CBLB: variants seen among roughly 807,000 people sequenced by gnomAD.
CBLB encodes the protein E3 ubiquitin-protein ligase CBL-B.
A neutral mutation model predicts 104.9 loss-of-function variants in CBLB; 31 were observed. That is an observed-to-expected ratio of 0.30 (90% CI 0.22 to 0.40). The LOEUF is 0.40. CBLB is among the 10% of genes least tolerant of loss of function. CBLB has a pLI of 1.00. For synonymous variants in CBLB, 440 were observed against 422.6 expected, an observed-to-expected ratio of 1.04 and a Z score of -0.51; for missense variants, 1,062 against 1,214.6, an observed-to-expected ratio of 0.87 and a Z score of 1.87.
chr3:105,679,329 G>C (rs1343673821), intron 16 of CBLB, among the ~76,000 whole-genome samples: 2 of 97,142 alleles, frequency 2.1e-5, no homozygotes, highest in African/African-American at 4.3e-5. Context: ...TCATTACCTT[G>C]AGTCTTTAAA....
rs796383208 is a variant in CBLB, at chr3:105,856,375, GA to G, written c.169-2712del. Among the ~76,000 whole-genome samples, 149 of 142,578 alleles carry G rather than the reference GA, an allele frequency of 1.0e-3. 1 individual carries two copies. Among genetic ancestry groups the G allele is most frequent in the African/African-American group, 2.6e-3 (101 of 38,912 alleles). 93.5% of individuals were successfully genotyped at this position (142,578 alleles called of 152,430 possible). On this transcript the variant is annotated intron_variant, in intron 2 of 18. Coordinates refer to ENST00000394030, the MANE Select transcript of CBLB (RefSeq NM_170662.5). ...AAAAAAAAAAAAAAAAAAAGAAAAG[GA>G]AAAAAAAAAGAAATCACTGGGGATC...
intron 4 of CBLB, among the ~76,000 whole-genome samples, chr3:105,752,449 G>C (rs1284722284): frequency 6.6e-6 from 1 of 152,108 alleles, no homozygotes; most frequent in Non-Finnish European, 1.5e-5. Context: ...TCCTGCTTCA[G>C]AATAATGCCT....
chr3:105,868,697 G>A (rs1206625738), intron 1 of CBLB, 39 bp downstream of exon 1: 14 of 999,108 alleles, frequency 1.4e-5, no homozygotes, highest in Non-Finnish European at 1.7e-5. Context: ...GGGCCGGCAA[G>A]AAGTGTGGAG....
intron 6 of CBLB, among the ~76,000 whole-genome samples, chr3:105,744,872 G>A (rs553007363): frequency 3.5e-4 from 54 of 152,308 alleles, no homozygotes; most frequent in Admixed American, 1.3e-3. Context: ...GAAGGTTGCA[G>A]TGAACAGAGA....
chr3:105,793,634 A>AG (rs1212266137), intron 3 of CBLB, among the ~76,000 whole-genome samples: 2 of 152,180 alleles, frequency 1.3e-5, no homozygotes, highest in African/African-American at 2.4e-5. Flanking sequence ...GGAAAAAAAA[A>AG]GTATCCATTT....
intron 3 of CBLB, among the ~76,000 whole-genome samples, chr3:105,802,347 T>C (rs1377137898): frequency 6.6e-6 from 1 of 152,204 alleles, no homozygotes; most frequent in Non-Finnish European, 1.5e-5. Context: ...ATCGCTCACA[T>C]GCTTATGTAC....
intron 7 of CBLB, among the ~76,000 whole-genome samples, chr3:105,738,407 T>C (rs1175528600): frequency 3.3e-5 from 5 of 152,088 alleles, no homozygotes; most frequent in Non-Finnish European, 7.4e-5. Flanking sequence ...CTGAGTATGA[T>C]ACAAATTTAG....
At chr3:105,690,156 C>T (rs1025502903) in intron 13 of CBLB, among the ~76,000 whole-genome samples, 1 of 152,154 alleles carries the variant, frequency 6.6e-6, no homozygotes, top group Non-Finnish European at 1.5e-5. Flanking sequence ...TTAGCTTTGA[C>T]ATTCTTGGAT....
chr3:105,729,447 C>A (rs914256210), intron 9 of CBLB, among the ~76,000 whole-genome samples: 2 of 151,950 alleles, frequency 1.3e-5, no homozygotes, highest in African/African-American at 4.8e-5. Flanking sequence ...GAGGAAGAAG[C>A]AAAATAACAA....
At chr3:105,829,563 T>C (rs2087113044) in intron 3 of CBLB, among the ~76,000 whole-genome samples, 1 of 149,738 alleles carries the variant, frequency 6.7e-6, no homozygotes, top group African/African-American at 2.5e-5. Context: ...GGAGCCTACT[T>C]GGAGACTGAG....
intron 10 of CBLB, among the ~76,000 whole-genome samples, chr3:105,710,446 T>C (rs926412016): frequency 1.3e-5 from 2 of 151,918 alleles, no homozygotes; most frequent in African/African-American, 2.4e-5. Context: ...ACTGCAAAAG[T>C]TGGGAAAGAC....
Position 105,702,222 on chromosome 3 carries a change from C to A in CBLB, c.1831G>T (p.Gly611Trp), listed in dbSNP as rs369987245. The A allele has an allele frequency of 6.2e-7, 1 of 1,614,090 alleles. No individual in the cohort carries two copies. Among genetic ancestry groups the A allele is most frequent in the Non-Finnish European group, 8.5e-7 (1 of 1,179,998 alleles). ...TNQLVGCRLL[G>W]EGSPKPGITA... ...ATTCCAGGTTTTGGAGAGCCCTCCC[C>A]TAGGAGTCGACATCCCACAAGCTGA... The change falls in exon 12 of 19, where the codon GGG (glycine) becomes TGG (tryptophan). Residue 611 changes from glycine (G) to tryptophan (W), a missense_variant. Physicochemically the swap from Gly to Trp is radical, Grantham distance 184 (BLOSUM62 -2). Transcript: ENST00000394030.
In CBLB at chr3:105,720,099, T is replaced by C; in HGVS notation, c.1355A>G (p.Asp452Gly). Residue 452 changes from aspartate to glycine, a missense_variant, in exon 10 of 19, where the codon GAT becomes GGT. This residue lies in a region of CBLB where 457 missense variants were observed against 632.0 expected (regional missense o/e 0.72). Transcript: ENST00000394030. ...CATCAAGGACTCCTCACGATCATCA[T>C]CGTCGTCCAAGTCTAGCATCGGCAT... ...FGMPMLDLDD[D>G]DDREESLMMN... 6.2e-7 allele frequency: 1 copy of C among 1,614,054 alleles called. No homozygotes were observed. Among genetic ancestry groups the C allele is most frequent in the South Asian group, 1.1e-5 (1 of 91,074 alleles).
chr3:105,765,381 A>T (rs2078108276), intron 4 of CBLB, among the ~76,000 whole-genome samples: 1 of 152,192 alleles, frequency 6.6e-6, no homozygotes. Context: ...CACTCTTTCT[A>T]CCATGTGAGG....
intron 3 of CBLB, 52 bp from the exon 4 acceptor site, chr3:105,776,594 T>C (rs1451491647): frequency 2.7e-6 from 4 of 1,487,256 alleles, no homozygotes; most frequent in Non-Finnish European, 3.7e-6. Context: ...CCTAGATGCA[T>C]GCAAATTTTT....
chr3:105,867,908 A>C (rs1338634927), intron 1 of CBLB, among the ~76,000 whole-genome samples: 1 of 151,944 alleles, frequency 6.6e-6, no homozygotes, highest in Admixed American at 6.6e-5. Flanking sequence ...AACAAAACTT[A>C]AACAGGTTTC....
chr3:105,663,474 C>T (rs796307182), intron 18 of CBLB, among the ~76,000 whole-genome samples: 55 of 152,224 alleles, frequency 3.6e-4, no homozygotes, highest in African/African-American at 1.3e-3. Context: ...TCAAAAGCAA[C>T]ACTTGTGCCT....
At chr3:105,847,247 T>G (rs2090365700) in intron 3 of CBLB, among the ~76,000 whole-genome samples, 1 of 152,052 alleles carries the variant, frequency 6.6e-6, no homozygotes, top group African/African-American at 2.4e-5. Flanking sequence ...AGATTACAAA[T>G]TATTCTTTGT....
At chr3:105,678,364 T>G in intron 17 of CBLB, 67 bp downstream of exon 17, 1 of 1,446,684 alleles carries the variant, frequency 6.9e-7, no homozygotes, top group South Asian at 1.1e-5. Context: ...TAACATTTAT[T>G]TGATAGTATG....
Sources: allele counts gnomAD v4.1 joint callset (sites outside exome capture counted in the v4.1 genomes callset), GRCh38; gene constraint gnomAD v4.1.1; regional missense constraint gnomAD v4.1.1; transcripts MANE v1.5; gene names NCBI Gene and HGNC (gene_info 2026-07-23, HGNC 2026-07-21).